BCO2: variants seen among roughly 807,000 people sequenced by gnomAD.
BCO2 encodes the protein beta-carotene oxygenase 2.
A neutral mutation model predicts 65.8 loss-of-function variants in BCO2; 56 were observed. The ratio of observed to expected loss-of-function variants is 0.85; its 90% CI spans 0.69 to 1.06. The LOEUF is 1.06. Among genes scored for constraint, BCO2 ranks in the 50% least tolerant of loss-of-function variants. The pLI, the probability that BCO2 is intolerant of heterozygous loss-of-function variation, is 0.00. For synonymous variants in BCO2, 233 were observed against 242.3 expected (o/e 0.96, Z 0.36); for missense variants, 675 against 698.5 (o/e 0.97, Z 0.38).
At chr11:112,182,498 A>G (rs1867079847) in intron 2 of BCO2, among the ~76,000 whole-genome samples, 1 of 152,250 alleles carries the variant, frequency 6.6e-6, no homozygotes, top group South Asian at 2.1e-4. Context: ...TGGCACATAT[A>G]CACCATGGAA....
chr11:112,215,137 C>T, intron 10 of BCO2, 193 bp downstream of exon 10: 1 of 588,770 alleles, frequency 1.7e-6, no homozygotes, highest in Non-Finnish European at 3.0e-6. Context: ...TGACCCCAGG[C>T]CCAGCAAAAT....
chr11:112,217,940 GAAATA>G lies in BCO2; in HGVS notation c.*69_*73del. 1 of 1,200,450 alleles carries G rather than the reference GAAATA, an allele frequency of 8.3e-7. No homozygotes were observed. The highest frequency in any genetic ancestry group is 1.2e-6 in the Non-Finnish European group (1 of 833,306). The allele number at this position is 1,200,450 out of a possible 1,614,324, so 74.4% of individuals were successfully genotyped here. A position where few individuals can be genotyped will look rare whatever the true frequency, so the allele number is the denominator to read the frequency against. On this transcript the variant is annotated 3_prime_UTR_variant, in exon 12 of 12. Coordinates refer to ENST00000357685, the MANE Select transcript of BCO2 (RefSeq NM_031938.7). ...TGTGCACTTGGACATAAAGACTGGA[GAAATA>G]AACACTGAGGACTCCAAAAGGGGGG...
Position 112,202,108 on chromosome 11 carries a change from A to G in BCO2, c.1112A>G (p.Asp371Gly). 1 of 1,614,032 alleles carries G rather than the reference A, an allele frequency of 6.2e-7. No individual in the cohort carries two copies. The highest frequency in any genetic ancestry group is 1.1e-5 in the South Asian group (1 of 91,062). The change falls in exon 8 of 12, where the codon GAT (aspartate) becomes GGT (glycine). Residue 371 changes from aspartate to glycine, a missense_variant. Physicochemically the swap from Asp to Gly is moderately conservative, Grantham distance 94 (BLOSUM62 -1). Transcript: ENST00000357685. ...GAGGACCAGGGCTGTGTTATAATTG[A>G]TTTGTGCTGTCAAGATAATGGAAGA... is the stretch of plus-strand genomic sequence containing the variant. ...AFEDQGCVII[D>G]LCCQDNGRTL...
chr11:112,209,852 G>A (rs780854055), intron 8 of BCO2, among the ~76,000 whole-genome samples: 1 of 152,068 alleles, frequency 6.6e-6, no homozygotes. Context: ...TGCAGGATTT[G>A]CTTTGTTACT....
At chr11:112,176,691 A>G (rs1405978912) in intron 1 of BCO2, among the ~76,000 whole-genome samples, 1 of 152,204 alleles carries the variant, frequency 6.6e-6, no homozygotes, top group Admixed American at 6.5e-5. Flanking sequence ...GAGCCCATAA[A>G]GGGAATTAAC....
intron 8 of BCO2, among the ~76,000 whole-genome samples, chr11:112,211,341 C>CAT (rs1859503615): frequency 1.4e-5 from 2 of 145,388 alleles, no homozygotes; most frequent in Admixed American, 7.0e-5. Flanking sequence ...CACACACACA[C>CAT]ACACACACAC....
intron 8 of BCO2, among the ~76,000 whole-genome samples, chr11:112,208,419 G>C (rs1450624912): frequency 8.5e-5 from 3 of 35,296 alleles, no homozygotes; most frequent in Non-Finnish European, 1.5e-4. Flanking sequence ...CTGTATATTG[G>C]CTTTTTTTTT....
At position 112,189,407 on chromosome 11, in the gene BCO2, T is replaced by G. The variant is rs1334133160; in HGVS notation, c.294-4067T>G. 1.3e-4 allele frequency among the ~76,000 whole-genome samples: 20 copies of G among 149,016 alleles called. 1 individual carries two copies. Among genetic ancestry groups the G allele is most frequent in the East Asian group, 7.8e-4 (4 of 5,122 alleles). ...AACAAAATTGATAGAAAAGGAAATT[T>G]TTTTTTTTTTTTTTTTGAGACAGAG... On this transcript the variant is annotated intron_variant, in intron 2 of 11. Transcript: ENST00000357685.
chr11:112,214,872 T>C lies in BCO2; in HGVS notation c.1443T>C (p.Phe481=), dbSNP rs1311743233. ...TCAGTGGCAAAAAGTATCATTTCTT[T>C]TATGGCTGTGGCTTTCGGCATTTAG... ...DRFSGKKYHF[F]YGCGFRHLVG... Residue 481 remains phenylalanine (F), a synonymous_variant, in exon 10 of 12, where the codon TTT becomes TTC. Coordinates refer to ENST00000357685, the MANE Select transcript of BCO2 (RefSeq NM_031938.7). 6.2e-7 allele frequency: 1 copy of C among 1,614,084 alleles called. No homozygotes were observed. The highest frequency in any genetic ancestry group is 8.5e-7 in the Non-Finnish European group (1 of 1,180,038).
chr11:112,214,875 T>C lies in BCO2; in HGVS notation c.1446T>C (p.Tyr482=), dbSNP rs748363202. 5.0e-6 allele frequency: 8 copies of C among 1,614,204 alleles called. No individual in the cohort carries two copies. The South Asian group carries it at 8.8e-5, about 18-fold the overall frequency. Residue 482 remains tyrosine (Y), a synonymous_variant, in exon 10 of 12, where the codon TAT becomes TAC. Coordinates refer to ENST00000357685, the MANE Select transcript of BCO2 (RefSeq NM_031938.7). ...RFSGKKYHFF[Y]GCGFRHLVGD... ...GTGGCAAAAAGTATCATTTCTTTTA[T>C]GGCTGTGGCTTTCGGCATTTAGTGG...
At position 112,188,387 on chromosome 11, in the gene BCO2, C is replaced by T. The variant is rs139284209; in HGVS notation, c.294-5087C>T. 3.2e-3 allele frequency among the ~76,000 whole-genome samples: 491 copies of T among 152,304 alleles called. 1 individual carries two copies. Among genetic ancestry groups the T allele is most frequent in the African/African-American group, 1.0e-2 (415 of 41,562 alleles). On this transcript the variant is annotated intron_variant, in intron 2 of 11. Transcript: ENST00000357685. Reference sequence around the variant, plus strand: ...TGCTTGAATTATTGCCTGGGCTCCTCGTTGGCTTCTTCAATCTGTATGCTG... The same window carrying T: ...TGCTTGAATTATTGCCTGGGCTCCTTGTTGGCTTCTTCAATCTGTATGCTG...
chr11:112,202,313 T>G, intron 8 of BCO2, 123 bp downstream of exon 8: 1 of 922,836 alleles, frequency 1.1e-6, no homozygotes, highest in Non-Finnish European at 1.6e-6. Flanking sequence ...GACTGAGTCT[T>G]GCTGTGTCAC....
rs527353969 is a variant in BCO2 at position 112,213,995 on chromosome 11, A to G, written c.1332+134A>G. On this transcript the variant is annotated intron_variant, in intron 9 of 11. Transcript: ENST00000357685. ...TCCGAGCAGGTTAAGGTTATGTAAC[A>G]TCGCTTGCACAAGAATTGCAGAAAC... is the stretch of plus-strand genomic sequence containing the variant. 7.3e-6 allele frequency: 5 copies of G among 686,646 alleles called. No homozygotes were observed. In the East Asian group the frequency reaches 1.4e-4, roughly 19 times the overall value. The allele number at this position is 686,646 out of a possible 1,614,324, so 42.5% of individuals were successfully genotyped here.
Position 112,216,298 on chromosome 11 carries a change from G to A in BCO2, c.1594G>A (p.Val532Ile). 6.2e-7 allele frequency: 1 copy of A among 1,614,096 alleles called. No individual in the cohort carries two copies. Among genetic ancestry groups the A allele is most frequent in the Non-Finnish European group, 8.5e-7 (1 of 1,179,976 alleles). The change falls in exon 11 of 12, where the codon GTT (valine) becomes ATT (isoleucine). Residue 532 changes from valine (V) to isoleucine (I), a missense_variant. By Grantham distance (29) the Val-to-Ile change is conservative. Transcript: ENST00000357685. ...APGTNEEDGG[V>I]ILSVVITPNQ... ...AGGAACCAATGAAGAAGATGGTGGG[G>A]TTATTCTTTCTGTGGTGATCACTCC...
chr11:112,186,126 G>A (rs1566771585), intron 2 of BCO2, among the ~76,000 whole-genome samples: 1 of 152,194 alleles, frequency 6.6e-6, no homozygotes, highest in Non-Finnish European at 1.5e-5. Context: ...GAGGGCAAAG[G>A]GGAGGAGGAG....
At chr11:112,216,100 T>TG in intron 10 of BCO2, 120 bp from the exon 11 acceptor site, 1 of 695,278 alleles carries the variant, frequency 1.4e-6, no homozygotes, top group Non-Finnish European at 2.6e-6. Flanking sequence ...GCATGAGCTT[T>TG]GGAGGGGACA....
In BCO2 at chr11:112,193,698, G is replaced by C; in HGVS notation, c.517+1G>C. 1 of 1,611,024 alleles carries C rather than the reference G, an allele frequency of 6.2e-7. No individual in the cohort carries two copies. The highest frequency in any genetic ancestry group is 8.5e-7 in the Non-Finnish European group (1 of 1,177,638). Reference sequence around the variant, plus strand: ...TTTGAGCTGCCTGGTAAAGCTGCAGGTGATAGTGATGATTATTTAAACTAT... The same window carrying C: ...TTTGAGCTGCCTGGTAAAGCTGCAGCTGATAGTGATGATTATTTAAACTAT... On this transcript the variant is annotated splice_donor_variant, in intron 3 of 11. Coordinates refer to ENST00000357685, the MANE Select transcript of BCO2 (RefSeq NM_031938.7). LOFTEE classifies it high-confidence loss of function.
chr11:112,189,249 G>A (rs1007760896), intron 2 of BCO2, among the ~76,000 whole-genome samples: 4 of 152,144 alleles, frequency 2.6e-5, no homozygotes, highest in African/African-American at 9.7e-5. Context: ...AGCACTTTGG[G>A]AGCTCAAGGC....
chr11:112,200,253 C>G (rs1867691754), intron 6 of BCO2: 1 of 185,124 alleles, frequency 5.4e-6, no homozygotes, highest in East Asian at 1.5e-4. Context: ...GATTCTTACC[C>G]CCAGTATAAG....
Sources: gnomAD v4.1 joint callset for allele counts (sites outside exome capture counted in the v4.1 genomes callset) on GRCh38, gnomAD v4.1.1 for gene constraint, MANE v1.5 for transcripts, NCBI Gene and HGNC (gene_info 2026-07-23, HGNC 2026-07-21) for gene names.